Variants in PDE1C observed in about 807,000 individuals in gnomAD.
PDE1C encodes the protein dual specificity calcium/calmodulin-dependent 3',5'-cyclic nucleotide phosphodiesterase 1C.
In PDE1C, 62 loss-of-function variants were observed where a neutral mutation model predicts 93.1. The observed-to-expected ratio is 0.67, with a 90% CI of 0.54 to 0.82. The LOEUF is 0.82. Ranked by LOEUF, PDE1C falls within the 40% of genes least tolerant of loss-of-function variation. The probability of loss-of-function intolerance (pLI) is 0.00; values close to 1 mark genes in which losing one functional copy is unlikely to be tolerated. For synonymous variants in PDE1C, 325 were observed against 310.1 expected (o/e 1.05, Z -0.50); for missense variants, 742 against 884.6 (o/e 0.84, Z 2.04).
In PDE1C at chr7:32,241,864, A is replaced by C. The variant is rs74684237; in HGVS notation, c.86-32325T>G. 1.1e-3 allele frequency among the ~76,000 whole-genome samples: 164 copies of C among 152,266 alleles called. 5 individuals are homozygous for C. In the East Asian group the frequency reaches 0.029, roughly 27 times the overall value. On this transcript the variant is annotated intron_variant, in intron 1 of 18. Transcript: ENST00000396193. ...GATGGGTAGACACAGCAAGTGATGGAAACAAATGCAGAGTATGTGAGTGCA... is the reference window on the plus strand; with the variant it reads ...GATGGGTAGACACAGCAAGTGATGGCAACAAATGCAGAGTATGTGAGTGCA...
At chr7:32,346,129 G>A (rs1783849125) in intron 1 of PDE1C, among the ~76,000 whole-genome samples, 1 of 152,174 alleles carries the variant, frequency 6.6e-6, no homozygotes, top group African/African-American at 2.4e-5. Flanking sequence ...ATGAAATCAG[G>A]GCCAACTTCA....
At chr7:31,643,692 T>C in the PDE1C span, 16 of 1,613,934 alleles carry the variant, frequency 9.9e-6, no homozygotes, top group East Asian at 4.5e-5. Context: ...CCTTGACACA[T>C]GGGCCCCAGC....
chr7:32,007,448 A>T (rs574029315), intron 2 of PDE1C, among the ~76,000 whole-genome samples: 1 of 152,342 alleles, frequency 6.6e-6, no homozygotes, highest in South Asian at 2.1e-4. Context: ...GATCAGGAAT[A>T]TGAGCAAAGG....
intron 3 of PDE1C, among the ~76,000 whole-genome samples, chr7:32,078,970 A>G (rs561781568): frequency 2.2e-4 from 33 of 152,046 alleles, no homozygotes; most frequent in African/African-American, 8.0e-4. Context: ...TACTCTTGCC[A>G]ATAGGGAAGC....
intron 1 of PDE1C, among the ~76,000 whole-genome samples, chr7:32,274,477 C>G (rs6462348): frequency 0.26 from 39,390 of 151,192 alleles, 5,405 homozygotes; most frequent in East Asian, 0.45. Flanking sequence ...CAAAATGCTG[C>G]GATTACAAGT....
chr7:31,903,687 A>G (rs1800251533), intron 2 of PDE1C, among the ~76,000 whole-genome samples: 1 of 152,074 alleles, frequency 6.6e-6, no homozygotes, highest in Admixed American at 6.6e-5. Flanking sequence ...CCAAAGCTTC[A>G]AAGTGAGGAG....
chr7:32,122,730 T>C (rs1451564249), intron 3 of PDE1C, among the ~76,000 whole-genome samples: 1 of 152,126 alleles, frequency 6.6e-6, no homozygotes, highest in Non-Finnish European at 1.5e-5. Flanking sequence ...AAGAGGGAAA[T>C]TTATAGCACT....
intron 2 of PDE1C, among the ~76,000 whole-genome samples, chr7:31,907,083 G>GTGTGTT (rs1345109074): frequency 5.3e-5 from 8 of 151,968 alleles, no homozygotes; most frequent in Admixed American, 5.2e-4. Flanking sequence ...GTGTGTGTGT[G>GTGTGTT]TGTGTGTGTG....
At position 31,752,833 on chromosome 7, in the gene PDE1C, CCTTTT is replaced by C. The variant is rs1360335712; in HGVS notation, c.*546_*550del. On this transcript the variant is annotated 3_prime_UTR_variant, in exon 18 of 18. Transcript: ENST00000396191. Reference sequence around the variant, plus strand: ...TACAACAATTCATCCGTCTTCTCTTCCTTTTAATATTTTTACATTCAGAAGCACAA... The same window carrying C: ...TACAACAATTCATCCGTCTTCTCTTCAATATTTTTACATTCAGAAGCACAA... 2.6e-5 allele frequency: 4 copies of C among 152,240 alleles called. No homozygotes were observed. The highest frequency in any genetic ancestry group is 5.9e-5 in the Non-Finnish European group (4 of 68,010). The allele number at this position is 152,240 out of a possible 1,614,324, so 9.4% of individuals were successfully genotyped here.
In PDE1C at chr7:32,210,579, T is replaced by A. The variant is rs79775679; in HGVS notation, c.86-1040A>T. 1.7e-4 allele frequency among the ~76,000 whole-genome samples: 26 copies of A among 152,126 alleles called. 1 individual carries two copies. ...TATTCCACCCTCTCACAAAGGTAAG[T>A]ATTTTAAAATTTACTGCATTTGAGC... is the stretch of plus-strand genomic sequence containing the variant. On this transcript the variant is annotated intron_variant, in intron 1 of 18. Coordinates refer to the PDE1C transcript ENST00000396193.
chr7:32,106,971 A>C lies in PDE1C; in HGVS notation c.308+62814T>G, dbSNP rs193283319. ...ATAGATGGATAATGTAAGCAGAGAG[A>C]GGGAAACTCTAAGAAAAAAAAAAAA... On this transcript the variant is annotated intron_variant, in intron 3 of 18. Coordinates refer to the PDE1C transcript ENST00000396193. 2.9e-3 allele frequency among the ~76,000 whole-genome samples: 370 copies of C among 129,242 alleles called. 1 individual carries two copies. Among genetic ancestry groups the C allele is most frequent in the Admixed American group, 0.017 (218 of 12,816 alleles). 84.8% of individuals were successfully genotyped at this position (129,242 alleles called of 152,430 possible).
At chr7:32,242,690 A>T (rs1330720998) in intron 1 of PDE1C, among the ~76,000 whole-genome samples, 1 of 152,154 alleles carries the variant, frequency 6.6e-6, no homozygotes, top group East Asian at 1.9e-4. Flanking sequence ...GGGGCTTCTA[A>T]GGAGGATGCA....
the PDE1C span, among the ~76,000 whole-genome samples, chr7:31,687,504 T>C: frequency 6.6e-6 from 1 of 152,206 alleles, no homozygotes; most frequent in African/African-American, 2.4e-5. Context: ...TGGAGTTCTG[T>C]AAAAGACTGA....
intron 1 of PDE1C, among the ~76,000 whole-genome samples, chr7:32,291,923 G>A (rs183363554): frequency 6.6e-6 from 1 of 152,338 alleles, no homozygotes; most frequent in Admixed American, 6.5e-5. Context: ...GAGCAAGTTA[G>A]TAAGGTGCTA....
chr7:32,174,772 G>T (rs1341670997), intron 2 of PDE1C, among the ~76,000 whole-genome samples: 1 of 152,160 alleles, frequency 6.6e-6, no homozygotes, highest in Non-Finnish European at 1.5e-5. Context: ...CTGTATTTCA[G>T]AAAGGAGACT....
chr7:32,070,062 C>A (rs980964377), intron 1 of PDE1C, among the ~76,000 whole-genome samples: 1 of 152,104 alleles, frequency 6.6e-6, no homozygotes, highest in African/African-American at 2.4e-5. Context: ...TCCTTCCCCC[C>A]AAAAAAGCAT....
At chr7:32,200,103 G>T (rs1264557261) in intron 2 of PDE1C, among the ~76,000 whole-genome samples, 1 of 152,110 alleles carries the variant, frequency 6.6e-6, no homozygotes, top group East Asian at 1.9e-4. Context: ...CTGGTCCCAG[G>T]CATTTTGGGT....
chr7:32,060,913 G>C (rs907639777), intron 1 of PDE1C, among the ~76,000 whole-genome samples: 1 of 152,124 alleles, frequency 6.6e-6, no homozygotes, highest in African/African-American at 2.4e-5. Flanking sequence ...ACATGGAATG[G>C]TATACTAAAT....
intron 17 of PDE1C, among the ~76,000 whole-genome samples, chr7:31,755,281 A>G (rs1391256574): frequency 6.6e-6 from 1 of 152,200 alleles, no homozygotes; most frequent in Non-Finnish European, 1.5e-5. Context: ...GATACAGGTG[A>G]TTATATATAA....
Sources: gnomAD v4.1 joint callset for allele counts (sites outside exome capture counted in the v4.1 genomes callset) on GRCh38, gnomAD v4.1.1 for gene constraint, MANE v1.5 for transcripts, NCBI Gene and HGNC (gene_info 2026-07-23, HGNC 2026-07-21) for gene names.